Variants in MGAT4D observed in about 807,000 individuals in gnomAD.
MGAT4D encodes the protein alpha-1,3-mannosyl-glycoprotein 4-beta-N-acetylglucosaminyltransferase-like protein MGAT4D.
A neutral mutation model predicts 15.9 loss-of-function variants in MGAT4D; 34 were observed. The observed-to-expected ratio is 2.14, with a 90% confidence interval of 1.62 to 2.84. The LOEUF (loss-of-function observed/expected upper bound fraction) is 2.84. Among genes scored for constraint, MGAT4D ranks in the 30% most tolerant of loss-of-function variants. The probability of loss-of-function intolerance (pLI) is 0.00; values close to 1 mark genes in which losing one functional copy is unlikely to be tolerated. For missense variants in MGAT4D, 327 were observed against 140.2 expected (o/e 2.33, Z -6.73); for synonymous variants, 112 against 48.2 (o/e 2.33, Z -5.49).
chr4:140,479,783 T>C (rs981087423), intron 2 of MGAT4D, among the ~76,000 whole-genome samples, 156 bp from the exon 3 acceptor site: 1 of 152,082 alleles, frequency 6.6e-6, no homozygotes, highest in African/African-American at 2.4e-5. Flanking sequence ...AAAATAATAA[T>C]GCTAAATATA....
chr4:140,456,886 G>A (rs991674534), intron 8 of MGAT4D, 167 bp from the exon 9 acceptor site: 17 of 405,846 alleles, frequency 4.2e-5, no homozygotes, highest in African/African-American at 3.1e-4. Context: ...CACTATATCT[G>A]CTTAAGTATT....
At chr4:140,494,995 G>A (rs1036494477) in intron 1 of MGAT4D, among the ~76,000 whole-genome samples, 2 of 152,186 alleles carry the variant, frequency 1.3e-5, no homozygotes, top group African/African-American at 4.8e-5. Context: ...TTAAATGTAT[G>A]TGTGAGATCA....
chr4:140,474,273 G>C (rs539805059), intron 4 of MGAT4D, among the ~76,000 whole-genome samples: 29 of 152,196 alleles, frequency 1.9e-4, no homozygotes, highest in African/African-American at 7.0e-4. Flanking sequence ...TAAGATCTAG[G>C]TCCATTATCC....
chr4:140,476,698 T>G (rs368946944), intron 3 of MGAT4D, among the ~76,000 whole-genome samples: 54 of 152,320 alleles, frequency 3.5e-4, no homozygotes, highest in African/African-American at 1.2e-3. Context: ...CCTCGAAGCC[T>G]TTGCACACGC....
chr4:140,493,287 C>CTTTTTTTTT (rs551838799), intron 1 of MGAT4D, among the ~76,000 whole-genome samples: 1 of 112,522 alleles, frequency 8.9e-6, no homozygotes, highest in African/African-American at 3.3e-5. Context: ...TGTTCCTTTA[C>CTTTTTTTTT]TTTTTTTTTT....
At chr4:140,444,950 T>G (rs776254502) in intron 10 of MGAT4D, among the ~76,000 whole-genome samples, 22 of 152,100 alleles carry the variant, frequency 1.4e-4, no homozygotes, top group Non-Finnish European at 2.4e-4. Context: ...GGTGCGATCT[T>G]GGCCCACTGC....
In MGAT4D at chr4:140,480,600, T is replaced by C. The variant is rs767745924; in HGVS notation, c.254-973A>G. Reference sequence around the variant, plus strand: ...ATTTCCAAATCACATATCCATCTGATATGTATCCAGGATAATATGTAGAAC... The same window carrying C: ...ATTTCCAAATCACATATCCATCTGACATGTATCCAGGATAATATGTAGAAC... On this transcript the variant is annotated intron_variant, in intron 2 of 10. Coordinates refer to ENST00000511113, the MANE Select transcript of MGAT4D (RefSeq NM_001277353.2). Among the ~76,000 whole-genome samples, 88 of 152,168 alleles carry C rather than the reference T, an allele frequency of 5.8e-4. 1 individual carries two copies. Among genetic ancestry groups the C allele is most frequent in the Non-Finnish European group, 2.1e-4 (14 of 68,022 alleles).
intron 5 of MGAT4D, among the ~76,000 whole-genome samples, chr4:140,467,623 T>A (rs755190937): frequency 7.2e-5 from 11 of 152,138 alleles, no homozygotes; most frequent in Non-Finnish European, 1.3e-4. Context: ...TTTCTAGGAC[T>A]CTCTAAAACT....
chr4:140,451,412 T>A lies in MGAT4D; in HGVS notation c.1114A>T (p.Lys372Ter), dbSNP rs544403276. 6.5e-4 allele frequency: 382 copies of A among 590,238 alleles called. 3 individuals are homozygous for A. The African/African-American group carries it at 6.7e-3, about 10-fold the overall frequency. The allele number at this position is 590,238 out of a possible 1,614,324, so 36.6% of individuals were successfully genotyped here. ...AAAGTTACATTTCAAAATCTTACTTTTTCATATTGTTCTTTTCTAGGGAAT... is the reference window on the plus strand; with the variant it reads ...AAAGTTACATTTCAAAATCTTACTTATTCATATTGTTCTTTTCTAGGGAAT... ...SSFPRKEQYE[K>*]KI Residue 372 changes from lysine (K) to a stop codon, truncating the protein, a stop_gained and splice_region_variant, in exon 10 of 11, where the codon AAA (lysine) becomes TAA (stop). Coordinates refer to ENST00000511113, the MANE Select transcript of MGAT4D (RefSeq NM_001277353.2). LOFTEE classifies it high-confidence loss of function.
In MGAT4D at chr4:140,471,302, C is replaced by A. The variant is rs1444645636; in HGVS notation, c.572+473G>T. Among the ~76,000 whole-genome samples, 4 of 142,114 alleles carry A rather than the reference C, an allele frequency of 2.8e-5. No individual in the cohort carries two copies. The South Asian group carries it at 6.7e-4, about 24-fold the overall frequency. 93.2% of individuals were successfully genotyped at this position (142,114 alleles called of 152,430 possible). On this transcript the variant is annotated intron_variant, in intron 5 of 10. Transcript: ENST00000511113. ...TCCTTCCTTCTCTCTCTTTTCTTTT[C>A]GTTTCTTTTTCAAGTTGTATCACCT...
intron 10 of MGAT4D, 70 bp from the exon 11 acceptor site, chr4:140,443,514 T>C (rs1578621656): frequency 8.4e-6 from 4 of 476,094 alleles, no homozygotes; most frequent in East Asian, 3.9e-5. Flanking sequence ...ATTATTTTCA[T>C]AGCAATTTCT....
chr4:140,486,738 G>A (rs1195122832), intron 1 of MGAT4D, among the ~76,000 whole-genome samples: 3 of 152,158 alleles, frequency 2.0e-5, no homozygotes, highest in Non-Finnish European at 4.4e-5. Context: ...TGAAATGAAT[G>A]GACTTGTCAG....
intron 10 of MGAT4D, among the ~76,000 whole-genome samples, chr4:140,447,937 G>T (rs1730235951): frequency 6.6e-6 from 1 of 152,126 alleles, no homozygotes; most frequent in Non-Finnish European, 1.5e-5. Flanking sequence ...TGTCTGAAAA[G>T]GATCTTATTC....
In MGAT4D at chr4:140,474,806, T is replaced by C; in HGVS notation, c.525+7A>G. 1 of 660,566 alleles carries C rather than the reference T, an allele frequency of 1.5e-6. No individual in the cohort carries two copies. Among genetic ancestry groups the C allele is most frequent in the South Asian group, 1.7e-5 (1 of 59,664 alleles). 40.9% of individuals were successfully genotyped at this position (660,566 alleles called of 1,614,324 possible). On this transcript the variant is annotated splice_region_variant and intron_variant, in intron 4 of 10. Coordinates refer to ENST00000511113, the MANE Select transcript of MGAT4D (RefSeq NM_001277353.2). ...GATAAGGAGAGCTCCTTATTTTGTA[T>C]ACGTACATCTGCAACCAAGACAATC...
chr4:140,478,276 C>T (rs1462617193), intron 3 of MGAT4D, among the ~76,000 whole-genome samples: 1 of 152,188 alleles, frequency 6.6e-6, no homozygotes, highest in African/African-American at 2.4e-5. Context: ...CCAAACACCA[C>T]CATGTCTCTC....
chr4:140,483,558 A>C (rs188423635), intron 1 of MGAT4D, among the ~76,000 whole-genome samples: 2 of 152,254 alleles, frequency 1.3e-5, no homozygotes, highest in African/African-American at 4.8e-5. Flanking sequence ...AAAAAGCCAA[A>C]GCAATCTTGA....
At chr4:140,487,303 A>G (rs1168475002) in intron 1 of MGAT4D, among the ~76,000 whole-genome samples, 1 of 152,230 alleles carries the variant, frequency 6.6e-6, no homozygotes, top group East Asian at 1.9e-4. Context: ...TGAAATTATG[A>G]AAACAAACAC....
intron 10 of MGAT4D, among the ~76,000 whole-genome samples, chr4:140,449,495 C>T (rs1730336399): frequency 6.6e-6 from 1 of 152,158 alleles, no homozygotes; most frequent in South Asian, 2.1e-4. Flanking sequence ...CATGATGGCT[C>T]ACACCTGTAA....
intron 4 of MGAT4D, among the ~76,000 whole-genome samples, chr4:140,472,843 A>G (rs4956320): frequency 0.25 from 37,479 of 151,978 alleles, 4,980 homozygotes; most frequent in East Asian, 0.48. Context: ...TTATGTGCAT[A>G]CTTTCTTTTA....
Sources: allele counts gnomAD v4.1 joint callset (sites outside exome capture counted in the v4.1 genomes callset), GRCh38; gene constraint gnomAD v4.1.1; transcripts MANE v1.5; gene names NCBI Gene and HGNC (gene_info 2026-07-23, HGNC 2026-07-21).